TLE6: variants seen among roughly 807,000 people sequenced by gnomAD.
The protein encoded by TLE6 is TLE family member 6, subcortical maternal complex member.
A neutral mutation model predicts 77.1 loss-of-function variants in TLE6; 72 were observed. The ratio of observed to expected loss-of-function variants is 0.93; its 90% CI spans 0.77 to 1.14. The LOEUF (loss-of-function observed/expected upper bound fraction) is 1.14, where lower values mean the gene tolerates loss of function less well. Ranked by LOEUF, TLE6 falls within the 50% of genes most tolerant of loss-of-function variation. TLE6 has a pLI of 0.00. For missense variants in TLE6, 843 were observed against 747.6 expected (o/e 1.13, Z -1.49); for synonymous variants, 366 against 287.3 (o/e 1.27, Z -2.77).
chr19:2,989,392 A>C (rs2088991464), intron 12 of TLE6, 79 bp downstream of exon 12: 1 of 1,590,742 alleles, frequency 6.3e-7, no homozygotes, highest in African/African-American at 1.3e-5. Flanking sequence ...CAGAGCCCAG[A>C]TCGTGGAGAG....
Position 2,981,641 on chromosome 19 carries a change from C to T in TLE6, c.180+58C>T. The T allele has an allele frequency of 2.0e-6, 3 of 1,531,592 alleles. 1 individual carries two copies. In the South Asian group the frequency reaches 3.6e-5, roughly 18 times the overall value. The allele number at this position is 1,531,592 out of a possible 1,614,324, so 94.9% of individuals were successfully genotyped here. A position where few individuals can be genotyped will look rare whatever the true frequency, so the allele number is the denominator to read the frequency against. ...GGGCCCCACTGGGACAAGCTGAGGC[C>T]CTGGTTTCCCGGCCCTGCCTCCTGA... On this transcript the variant is annotated intron_variant, in intron 4 of 16. Transcript: ENST00000246112.
chr19:2,987,273 C>A (rs1251429639), intron 7 of TLE6, 35 bp downstream of exon 7: 1 of 1,614,150 alleles, frequency 6.2e-7, no homozygotes, highest in East Asian at 2.2e-5. Flanking sequence ...GAAGGGGCAG[C>A]CACAGGCTGC....
chr19:2,994,804 TC>T, intron 16 of TLE6, 95 bp from the exon 17 acceptor site: 3 of 692,078 alleles, frequency 4.3e-6, no homozygotes, highest in Non-Finnish European at 7.4e-6. Context: ...ACCCTGTCTT[TC>T]TTTGAAGAGA....
intron 3 of TLE6, among the ~76,000 whole-genome samples, chr19:2,981,042 T>A (rs1180899025): frequency 6.7e-6 from 1 of 149,330 alleles, no homozygotes; most frequent in Non-Finnish European, 1.5e-5. Flanking sequence ...CAGGGTGAGA[T>A]TCTGTTTAAA....
intron 16 of TLE6, among the ~76,000 whole-genome samples, chr19:2,994,618 T>C (rs1182327052): frequency 6.9e-6 from 1 of 145,862 alleles, no homozygotes; most frequent in East Asian, 2.1e-4. Flanking sequence ...AAAATAATAA[T>C]AATAATTAAA....
At chr19:2,980,071 T>C (rs1367308301) in intron 2 of TLE6, 29 bp from the exon 3 acceptor site, 1 of 1,544,592 alleles carries the variant, frequency 6.5e-7, no homozygotes, top group Non-Finnish European at 8.8e-7. Flanking sequence ...CATTGTAAGT[T>C]TTATGTAACC....
chr19:2,994,431 A>G (rs1235132851), intron 16 of TLE6, among the ~76,000 whole-genome samples: 1 of 152,142 alleles, frequency 6.6e-6, no homozygotes, highest in Non-Finnish European at 1.5e-5. Context: ...TAACACGGTG[A>G]ATCCCTGTCT....
At chr19:2,991,500 A>G (rs1453233281) in intron 13 of TLE6, among the ~76,000 whole-genome samples, 4 of 151,316 alleles carry the variant, frequency 2.6e-5, no homozygotes, top group Non-Finnish European at 5.9e-5. Flanking sequence ...TGGCTGACGT[A>G]AAATACAGCA....
Position 2,994,064 on chromosome 19 carries a change from A to G in TLE6, c.1583A>G (p.Tyr528Cys). The G allele has an allele frequency of 6.2e-7, 1 of 1,608,552 alleles. No individual in the cohort carries two copies. The highest frequency in any genetic ancestry group is 8.5e-7 in the Non-Finnish European group (1 of 1,178,042). ...SVGMDDFLGV[Y>C]SMPAGTKVFE... ...GGAATGGACGACTTCCTTGGCGTCT[A>G]CAGCATGCCGGCGGGGACAAAAGTG... Residue 528 changes from tyrosine (Y) to cysteine (C), a missense_variant, in exon 16 of 17, where the codon TAC (tyrosine) becomes TGC (cysteine). Tyr to Cys is a radical substitution (Grantham distance 194, BLOSUM62 -2). Transcript: ENST00000246112.
chr19:2,989,450 A>G, intron 12 of TLE6, 85 bp from the exon 13 acceptor site: 1 of 1,569,882 alleles, frequency 6.4e-7, no homozygotes, highest in South Asian at 1.2e-5. Context: ...CTAAAGGATG[A>G]ATAGGAGTTC....
intron 15 of TLE6, 23 bp downstream of exon 15, chr19:2,993,605 G>A (rs1227871470): frequency 1.3e-6 from 2 of 1,537,458 alleles, no homozygotes; most frequent in African/African-American, 1.4e-5. Flanking sequence ...CGGAAGATGA[G>A]GGGACTCCCC....
intron 5 of TLE6, among the ~76,000 whole-genome samples, chr19:2,986,053 C>T (rs2088901802): frequency 8.9e-6 from 1 of 111,856 alleles, no homozygotes; most frequent in African/African-American, 3.5e-5. Context: ...CTGCCTGGGC[C>T]ACAGCGTGAG....
At chr19:2,993,041 A>C (rs950808895) in intron 14 of TLE6, among the ~76,000 whole-genome samples, 68 of 149,802 alleles carry the variant, frequency 4.5e-4, no homozygotes, top group African/African-American at 1.7e-3. Context: ...AAAAAAAAAA[A>C]AAAAAAAAAA....
intron 13 of TLE6, among the ~76,000 whole-genome samples, chr19:2,991,027 TACATACATACATAC>T (rs1288961282): frequency 1.1e-4 from 15 of 134,178 alleles, no homozygotes; most frequent in African/African-American, 3.9e-4. Context: ...CATACATACA[TACATACATACATAC>T]ATATATGTAT....
intron 16 of TLE6, 66 bp from the exon 17 acceptor site, chr19:2,994,834 C>CTG (rs1302050827): frequency 7.9e-6 from 7 of 890,566 alleles, no homozygotes; most frequent in Non-Finnish European, 1.2e-5. Flanking sequence ...CATGCTTGAG[C>CTG]TGACAGGTGG....
Position 2,978,300 on chromosome 19 carries a change from G to A in TLE6, c.51+16G>A, listed in dbSNP as rs1387819954. ...AAGCACTTCGGTGAGGAGGGCATGT[G>A]GTGGGATCAGCCCTCAAGGGAAACC... On this transcript the variant is annotated intron_variant, in intron 2 of 16. Transcript: ENST00000246112. 8 of 1,551,150 alleles carry A rather than the reference G, an allele frequency of 5.2e-6. No individual in the cohort carries two copies. The highest frequency in any genetic ancestry group is 7.0e-6 in the Non-Finnish European group (8 of 1,146,924).
chr19:2,980,516 GCTT>G (rs2145016079), intron 3 of TLE6: 1 of 193,616 alleles, frequency 5.2e-6, no homozygotes, highest in Non-Finnish European at 1.1e-5. Flanking sequence ...CGGGCGGATT[GCTT>G]GAGGTCAGGA....
At chr19:2,988,576 T>C (rs954786290) in intron 11 of TLE6, among the ~76,000 whole-genome samples, 31 of 151,488 alleles carry the variant, frequency 2.0e-4, no homozygotes, top group Non-Finnish European at 4.3e-4. Context: ...CCAGCCTGAG[T>C]GACAGCAAGA....
chr19:2,987,619 G>A, intron 8 of TLE6, 105 bp from the exon 9 acceptor site: 1 of 1,351,388 alleles, frequency 7.4e-7, no homozygotes, highest in Non-Finnish European at 1.1e-6. Flanking sequence ...CCGCAGACAG[G>A]ACCCCAGGCA....
Sources: gnomAD v4.1 joint callset for allele counts (sites outside exome capture counted in the v4.1 genomes callset) on GRCh38, gnomAD v4.1.1 for gene constraint, MANE v1.5 for transcripts, NCBI Gene and HGNC (gene_info 2026-07-23, HGNC 2026-07-21) for gene names.